Variants in CTNNA2 observed in about 807,000 individuals in gnomAD.
The protein encoded by CTNNA2 is catenin alpha 2.
A neutral mutation model predicts 101.0 loss-of-function variants in CTNNA2; 42 were observed. That is an observed-to-expected ratio of 0.42 (90% CI 0.32 to 0.54). The LOEUF (loss-of-function observed/expected upper bound fraction) is 0.54. CTNNA2 is among the 20% of genes least tolerant of loss of function. The pLI is 0.14. For synonymous variants in CTNNA2, 450 were observed against 456.4 expected, an observed-to-expected ratio of 0.99 and a Z score of 0.18; for missense variants, 871 against 1,223.1, an observed-to-expected ratio of 0.71 and a Z score of 4.29.
intron 1 of CTNNA2, among the ~76,000 whole-genome samples, chr2:79,561,866 C>G (rs535136273): frequency 6.6e-6 from 1 of 151,630 alleles, no homozygotes; most frequent in South Asian, 2.1e-4. Context: ...TAGAGTCTTA[C>G]TAGATATATG....
intron 13 of CTNNA2, chr2:80,575,082 C>T (rs1694924238): frequency 6.6e-6 from 1 of 152,040 alleles, no homozygotes; most frequent in Non-Finnish European, 1.5e-5. Context: ...CTTATCTTAC[C>T]AACAGTTTAG....
At chr2:79,782,378 A>G (rs1414016985) in intron 3 of CTNNA2, among the ~76,000 whole-genome samples, 1 of 152,080 alleles carries the variant, frequency 6.6e-6, no homozygotes, top group Non-Finnish European at 1.5e-5. Context: ...CTGGGATTAC[A>G]GGTGCGCGCC....
intron 2 of CTNNA2, among the ~76,000 whole-genome samples, chr2:79,685,292 C>G (rs912418575): frequency 6.6e-5 from 10 of 152,130 alleles, no homozygotes; most frequent in Non-Finnish European, 1.3e-4. Flanking sequence ...TCGTGCCTGG[C>G]TTTATGGAAT....
intron 11 of CTNNA2, among the ~76,000 whole-genome samples, chr2:80,549,903 G>A (rs562365739): frequency 5.6e-4 from 85 of 152,032 alleles, no homozygotes; most frequent in East Asian, 5.4e-3. Context: ...CTAGATTAGC[G>A]TGCTTACTAA....
chr2:79,809,852 C>T (rs951026637), intron 3 of CTNNA2, among the ~76,000 whole-genome samples: 2 of 152,134 alleles, frequency 1.3e-5, no homozygotes, highest in African/African-American at 4.8e-5. Context: ...GTCATGGATT[C>T]TTTGCCCATG....
At chr2:80,604,272 C>T (rs562607840) in intron 16 of CTNNA2, 93 bp downstream of exon 16, 2 of 917,196 alleles carry the variant, frequency 2.2e-6, no homozygotes, top group East Asian at 2.6e-5. Context: ...TATAAAATGC[C>T]TCTGAAGAAT....
intron 7 of CTNNA2, among the ~76,000 whole-genome samples, chr2:80,201,515 A>T (rs1404310688): frequency 6.6e-6 from 1 of 151,554 alleles, no homozygotes; most frequent in Non-Finnish European, 1.5e-5. Context: ...CTGGGACTAC[A>T]GGCGCCTGCC....
At chr2:80,604,497 A>G (rs1227543264) in intron 16 of CTNNA2, among the ~76,000 whole-genome samples, 4 of 152,050 alleles carry the variant, frequency 2.6e-5, no homozygotes, top group East Asian at 3.9e-4. Context: ...ACTATACTGC[A>G]TAATGAAGGG....
intron 5 of CTNNA2, chr2:79,505,286 C>T (rs1671388032): frequency 6.6e-6 from 1 of 152,140 alleles, no homozygotes; most frequent in Non-Finnish European, 1.5e-5. Flanking sequence ...ACTCTCCCAA[C>T]TTTTCTAACA....
chr2:80,080,948 T>TAA (rs79785271), intron 7 of CTNNA2, among the ~76,000 whole-genome samples: 3,885 of 87,454 alleles, frequency 0.044, 335 homozygotes, highest in African/African-American at 0.15. Context: ...TTCTCCCACT[T>TAA]AAAAAAAAAA....
At chr2:79,316,623 C>A (rs570020617) in intron 3 of CTNNA2, among the ~76,000 whole-genome samples, 2 of 151,738 alleles carry the variant, frequency 1.3e-5, no homozygotes, top group East Asian at 3.9e-4. Context: ...AGAGTATAAG[C>A]TTTATATTTC....
intron 6 of CTNNA2, among the ~76,000 whole-genome samples, chr2:79,899,171 G>T (rs1285034360): frequency 6.6e-6 from 1 of 151,624 alleles, no homozygotes; most frequent in Non-Finnish European, 1.5e-5. Flanking sequence ...GAGATAACAT[G>T]ACTGTTTTTT....
At chr2:79,209,519 CAT>C (rs1319596347) in intron 2 of CTNNA2, among the ~76,000 whole-genome samples, 2 of 152,200 alleles carry the variant, frequency 1.3e-5, no homozygotes, top group Admixed American at 6.5e-5. Context: ...TCTTTTCACA[CAT>C]GTTTATTCTT....
At chr2:80,243,920 A>G (rs1230642529) in intron 7 of CTNNA2, among the ~76,000 whole-genome samples, 15 of 152,196 alleles carry the variant, frequency 9.9e-5, no homozygotes. Context: ...CAATTCCTCC[A>G]CATCCTGGCT....
intron 4 of CTNNA2, among the ~76,000 whole-genome samples, chr2:79,450,070 T>A (rs754622858): frequency 1.3e-5 from 2 of 151,982 alleles, no homozygotes. Context: ...CAATTATTAG[T>A]GTGACACTCT....
chr2:79,624,108 A>C (rs1213542086), intron 1 of CTNNA2, among the ~76,000 whole-genome samples: 1 of 151,770 alleles, frequency 6.6e-6, no homozygotes, highest in Admixed American at 6.6e-5. Flanking sequence ...GAACTTCCCC[A>C]TTTTCTTTTT....
intron 2 of CTNNA2, among the ~76,000 whole-genome samples, chr2:79,311,832 A>T (rs970906472): frequency 6.6e-6 from 1 of 152,204 alleles, no homozygotes; most frequent in Non-Finnish European, 1.5e-5. Flanking sequence ...TAATGTGGTC[A>T]GTCTTTTCCT....
intron 2 of CTNNA2, among the ~76,000 whole-genome samples, chr2:79,257,866 CA>C (rs1674869042): frequency 6.6e-6 from 1 of 151,844 alleles, no homozygotes; most frequent in Non-Finnish European, 1.5e-5. Flanking sequence ...AATCCAAAAT[CA>C]AGATGTCAGC....
intron 2 of CTNNA2, among the ~76,000 whole-genome samples, chr2:79,267,881 C>T (rs759499023): frequency 2.7e-4 from 41 of 152,122 alleles, no homozygotes; most frequent in Admixed American, 1.8e-3. Context: ...ACAAAGATGC[C>T]CTATAGTATA....
Sources: gnomAD v4.1 joint callset for allele counts (sites outside exome capture counted in the v4.1 genomes callset) on GRCh38, gnomAD v4.1.1 for gene constraint, MANE v1.5 for transcripts, NCBI Gene and HGNC (gene_info 2026-07-23, HGNC 2026-07-21) for gene names.